Variants in ACTR3 observed in about 807,000 individuals in gnomAD.
The protein encoded by ACTR3 is actin related protein 3, also known as actin-related protein 3.
A neutral mutation model predicts 56.8 loss-of-function variants in ACTR3; 12 were observed. The ratio of observed to expected loss-of-function variants is 0.21; its 90% confidence interval spans 0.14 to 0.34. The LOEUF is 0.34. ACTR3 is among the 10% of genes least tolerant of loss of function. The probability of loss-of-function intolerance (pLI) is 1.00; values close to 1 mark genes in which losing one functional copy is unlikely to be tolerated. For synonymous variants in ACTR3, 162 were observed against 167.4 expected (o/e 0.97, Z 0.25); for missense variants, 282 against 512.5 (o/e 0.55, Z 4.34).
intron 6 of ACTR3, among the ~76,000 whole-genome samples, chr2:113,936,558 C>A (rs755909148): frequency 6.6e-6 from 1 of 152,124 alleles, no homozygotes; most frequent in Admixed American, 6.5e-5. Context: ...AATAATTATA[C>A]AACAGCTTTG....
At chr2:113,917,038 T>G (rs767989829) in intron 3 of ACTR3, 30 bp downstream of exon 3, 1 of 1,564,528 alleles carries the variant, frequency 6.4e-7, no homozygotes, top group Non-Finnish European at 8.7e-7. Flanking sequence ...ATAAATAACA[T>G]TTTCAAAAAA....
At chr2:113,920,458 G>A (rs1330195831) in intron 3 of ACTR3, among the ~76,000 whole-genome samples, 3 of 152,194 alleles carry the variant, frequency 2.0e-5, no homozygotes, top group Non-Finnish European at 4.4e-5. Context: ...GTCAATGTAA[G>A]TAGCATATTC....
At chr2:113,896,714 C>T (rs934901800) in intron 1 of ACTR3, among the ~76,000 whole-genome samples, 1 of 152,126 alleles carries the variant, frequency 6.6e-6, no homozygotes, top group African/African-American at 2.4e-5. Context: ...TATCAGTTTC[C>T]CTTCTTTAAA....
intron 2 of ACTR3, 67 bp downstream of exon 2, chr2:113,913,294 A>C: frequency 8.2e-7 from 1 of 1,216,148 alleles, no homozygotes; most frequent in South Asian, 1.4e-5. Context: ...AATTTAAGTA[A>C]AAGAAGTAAT....
At chr2:113,906,486 T>A (rs964901747) in intron 1 of ACTR3, among the ~76,000 whole-genome samples, 2 of 152,178 alleles carry the variant, frequency 1.3e-5, no homozygotes, top group African/African-American at 4.8e-5. Flanking sequence ...AGTTTTTCTC[T>A]TTTTTTCTTT....
intron 5 of ACTR3, 25 bp downstream of exon 5, chr2:113,931,421 T>C: frequency 6.8e-7 from 1 of 1,477,206 alleles, no homozygotes; most frequent in Non-Finnish European, 9.1e-7. Flanking sequence ...ACTTTCTAAG[T>C]TTGATTCTTA....
chr2:113,892,857 A>G (rs1221253115), intron 1 of ACTR3, among the ~76,000 whole-genome samples: 1 of 152,204 alleles, frequency 6.6e-6, no homozygotes. Flanking sequence ...GTAAAACTTG[A>G]TCGTCTTAGA....
At chr2:113,951,448 A>G (rs1210389140) in intron 8 of ACTR3, 31 bp from the exon 9 acceptor site, 1 of 1,433,640 alleles carries the variant, frequency 7.0e-7, no homozygotes, top group African/African-American at 1.4e-5. Context: ...TAGTGATATG[A>G]TCTCTATTAT....
chr2:113,939,603 T>C (rs997812881), intron 6 of ACTR3, among the ~76,000 whole-genome samples: 3 of 152,234 alleles, frequency 2.0e-5, no homozygotes, highest in Non-Finnish European at 4.4e-5. Flanking sequence ...TTTGTCACAT[T>C]TCTTATGAAG....
intron 1 of ACTR3, among the ~76,000 whole-genome samples, chr2:113,907,737 C>G (rs1679221924): frequency 6.6e-6 from 1 of 151,992 alleles, no homozygotes; most frequent in Admixed American, 6.5e-5. Context: ...CTTTGAGAGG[C>G]TGAGGCTGGC....
At chr2:113,906,676 T>C (rs1443059657) in intron 1 of ACTR3, among the ~76,000 whole-genome samples, 4 of 152,162 alleles carry the variant, frequency 2.6e-5, no homozygotes, top group South Asian at 4.1e-4. Context: ...ACTTCATTCT[T>C]TTGCATGTGG....
At chr2:113,911,489 G>T (rs1574357860) in intron 1 of ACTR3, among the ~76,000 whole-genome samples, 1 of 129,452 alleles carries the variant, frequency 7.7e-6, no homozygotes, top group Admixed American at 9.2e-5. Flanking sequence ...GCATGATATT[G>T]CCTCACTGCA....
rs111723574 is a variant in ACTR3, at chr2:113,924,228, C to T, written c.226-3117C>T. ...GGGACTACAGGTGTGTGCCACCACACCTGGCTAATTAAAAATTTTTTTTTT... is the reference window on the plus strand; with the variant it reads ...GGGACTACAGGTGTGTGCCACCACATCTGGCTAATTAAAAATTTTTTTTTT... On this transcript the variant is annotated intron_variant, in intron 3 of 11. Transcript: ENST00000263238. 0.024 allele frequency among the ~76,000 whole-genome samples: 3,665 copies of T among 151,754 alleles called. 213 individuals are homozygous for T. The East Asian group carries it at 0.26, about 11-fold the overall frequency.
At chr2:113,897,885 C>T (rs539001184) in intron 1 of ACTR3, among the ~76,000 whole-genome samples, 5 of 152,180 alleles carry the variant, frequency 3.3e-5, no homozygotes, top group East Asian at 1.9e-4. Flanking sequence ...TTCCTCCTGC[C>T]GAAGGACATT....
rs1046265322 is a variant in ACTR3 at position 113,958,776 on chromosome 2, T to A, written c.*1321T>A. 2.6e-5 allele frequency: 4 copies of A among 151,992 alleles called. No individual in the cohort carries two copies. Among genetic ancestry groups the A allele is most frequent in the Non-Finnish European group, 5.9e-5 (4 of 67,902 alleles). 9.4% of individuals were successfully genotyped at this position (151,992 alleles called of 1,614,324 possible). A position where few individuals can be genotyped will look rare whatever the true frequency, so the allele number is the denominator to read the frequency against. ...AGAAAATGGGAAATGTTTTATAGGCTTTTTACTAGCAGTATCAGTGAACAC... is the reference window on the plus strand; with the variant it reads ...AGAAAATGGGAAATGTTTTATAGGCATTTTACTAGCAGTATCAGTGAACAC... On this transcript the variant is annotated 3_prime_UTR_variant, in exon 12 of 12. Coordinates refer to ENST00000263238, the MANE Select transcript of ACTR3 (RefSeq NM_005721.5).
rs111511616 is a variant in ACTR3 at position 113,951,337 on chromosome 2, T to A, written c.859-142T>A. The A allele has an allele frequency of 4.7e-4, 253 of 539,090 alleles. 1 individual carries two copies. The Middle Eastern group carries it at 5.8e-3, about 12-fold the overall frequency. The allele number at this position is 539,090 out of a possible 1,614,324, so 33.4% of individuals were successfully genotyped here. A position where few individuals can be genotyped will look rare whatever the true frequency, so the allele number is the denominator to read the frequency against. ...TTGAGTTTTCTCTGATTTCAGTGTCTTCAATCTGAATCTGTTAGAGACCAG... is the reference window on the plus strand; with the variant it reads ...TTGAGTTTTCTCTGATTTCAGTGTCATCAATCTGAATCTGTTAGAGACCAG... On this transcript the variant is annotated intron_variant, in intron 8 of 11. Coordinates refer to ENST00000263238, the MANE Select transcript of ACTR3 (RefSeq NM_005721.5).
At chr2:113,934,120 A>C (rs1679776551) in intron 5 of ACTR3, 159 bp from the exon 6 acceptor site, 2 of 576,938 alleles carry the variant, frequency 3.5e-6, no homozygotes. Flanking sequence ...ATTTTATTGC[A>C]TAATACAAAA....
At chr2:113,935,597 C>T (rs924497776) in intron 6 of ACTR3, among the ~76,000 whole-genome samples, 3 of 152,110 alleles carry the variant, frequency 2.0e-5, no homozygotes, top group African/African-American at 7.2e-5. Flanking sequence ...TTTTATGTAG[C>T]CTTTGGGAGG....
chr2:113,891,274 C>T (rs1351486917), intron 1 of ACTR3, among the ~76,000 whole-genome samples: 1 of 152,122 alleles, frequency 6.6e-6, no homozygotes, highest in Non-Finnish European at 1.5e-5. Flanking sequence ...TTCGTTCATT[C>T]TGTGATGGTA....
Sources: gnomAD v4.1 joint callset for allele counts (sites outside exome capture counted in the v4.1 genomes callset) on GRCh38, gnomAD v4.1.1 for gene constraint, MANE v1.5 for transcripts, NCBI Gene and HGNC (gene_info 2026-07-23, HGNC 2026-07-21) for gene names.